The following NIBAN1 variants were observed in gnomAD, a reference collection of about 807,000 sequenced individuals.
NIBAN1 encodes the protein niban apoptosis regulator 1.
A neutral mutation model predicts 75.1 loss-of-function variants in NIBAN1; 81 were observed. The observed-to-expected ratio is 1.08, with a 90% confidence interval of 0.90 to 1.30. The LOEUF (loss-of-function observed/expected upper bound fraction) is 1.30, where lower values mean the gene tolerates loss of function less well. NIBAN1 is among the 50% of genes most tolerant of loss of function. The pLI is 0.00. For missense variants in NIBAN1, 1,133 were observed against 1,128.1 expected (o/e 1.00, Z -0.06); for synonymous variants, 436 against 424.8 (o/e 1.03, Z -0.32).
intron 5 of NIBAN1, among the ~76,000 whole-genome samples, chr1:184,870,809 T>C (rs946436129): frequency 3.3e-5 from 5 of 152,184 alleles, no homozygotes; most frequent in African/African-American, 1.2e-4. Flanking sequence ...AGAAAAGACA[T>C]AGTGGATAAA....
rs77965834 is a variant in NIBAN1 at position 184,859,695 on chromosome 1, G to T, written c.601+24938C>A. Among the ~76,000 whole-genome samples the T allele has an allele frequency of 6.2e-3, 940 of 152,106 alleles. 4 individuals are homozygous for T. The highest frequency in any genetic ancestry group is 0.011 in the Non-Finnish European group (722 of 67,990). On this transcript the variant is annotated intron_variant, in intron 5 of 13. Coordinates refer to ENST00000367511, the MANE Select transcript of NIBAN1 (RefSeq NM_052966.4). ...CCAGTGCTTATTTTCATGGTGCTAT[G>T]AAGTCATCATTATGGTATATAAGCA...
At chr1:184,912,671 T>C (rs2102006949) in intron 1 of NIBAN1, among the ~76,000 whole-genome samples, 1 of 152,326 alleles carries the variant, frequency 6.6e-6, no homozygotes, top group African/African-American at 2.4e-5. Flanking sequence ...CTTACTGACA[T>C]GTAGGAATTG....
chr1:184,885,954 T>C (rs1461998599), intron 4 of NIBAN1, among the ~76,000 whole-genome samples: 1 of 152,118 alleles, frequency 6.6e-6, no homozygotes, highest in Non-Finnish European at 1.5e-5. Context: ...TCTCTCCATC[T>C]CCTCGCTAAG....
intron 1 of NIBAN1, among the ~76,000 whole-genome samples, chr1:184,959,783 C>T (rs551086070): frequency 1.3e-5 from 2 of 152,344 alleles, no homozygotes; most frequent in South Asian, 4.1e-4. Context: ...AAGACTCTAA[C>T]TCATATCTAT....
chr1:184,873,872 TA>T (rs1404746106), intron 5 of NIBAN1, among the ~76,000 whole-genome samples: 1 of 152,138 alleles, frequency 6.6e-6, no homozygotes, highest in African/African-American at 2.4e-5. Flanking sequence ...GAGAGTATAG[TA>T]AAAGTTTTTC....
chr1:184,899,270 T>C lies in NIBAN1; in HGVS notation c.95A>G (p.Tyr32Cys), dbSNP rs1656883830. The change falls in exon 2 of 14, where the codon TAC becomes TGC. Residue 32 changes from tyrosine to cysteine, a missense_variant. Physicochemically the swap from Tyr to Cys is radical, Grantham distance 194 (BLOSUM62 -2). Coordinates refer to ENST00000367511, the MANE Select transcript of NIBAN1 (RefSeq NM_052966.4). ...GAAAGCCACAGAGTACTGACGACTG[T>C]AGTAGGGACTGAAGTTTTTGATGGC... is the stretch of plus-strand genomic sequence containing the variant. The part of the protein sequence containing the change: ...EAAIKNFSPY[Y>C]SRQYSVAFCN... 1.9e-6 allele frequency: 3 copies of C among 1,613,912 alleles called. No individual in the cohort carries two copies. The highest frequency in any genetic ancestry group is 1.3e-5 in the African/African-American group (1 of 75,034).
At chr1:184,922,620 G>A (rs1200292896) in intron 1 of NIBAN1, among the ~76,000 whole-genome samples, 1 of 151,904 alleles carries the variant, frequency 6.6e-6, no homozygotes, top group South Asian at 2.1e-4. Context: ...TTGTTTTGTT[G>A]TTTTGAGTTG....
At chr1:184,845,330 T>C (rs1483590707) in intron 5 of NIBAN1, among the ~76,000 whole-genome samples, 1 of 152,196 alleles carries the variant, frequency 6.6e-6, no homozygotes, top group African/African-American at 2.4e-5. Flanking sequence ...AACAACAAGC[T>C]TAAACAAAAT....
chr1:184,924,941 T>A (rs1657646048), intron 1 of NIBAN1, among the ~76,000 whole-genome samples: 1 of 152,148 alleles, frequency 6.6e-6, no homozygotes. Context: ...CTAAAGTTTG[T>A]CAATTTTACT....
At chr1:184,939,176 A>G (rs1351237454) in intron 1 of NIBAN1, among the ~76,000 whole-genome samples, 4 of 152,264 alleles carry the variant, frequency 2.6e-5, no homozygotes, top group Middle Eastern at 6.3e-3. Flanking sequence ...TTTGGTGCTG[A>G]CACAAAGGTG....
At chr1:184,855,608 T>A (rs1474579415) in intron 5 of NIBAN1, among the ~76,000 whole-genome samples, 1 of 152,170 alleles carries the variant, frequency 6.6e-6, no homozygotes. Flanking sequence ...CACTCCTGGA[T>A]CCCCTTAGTC....
intron 5 of NIBAN1, among the ~76,000 whole-genome samples, chr1:184,839,843 C>T (rs888892592): frequency 2.6e-5 from 4 of 152,186 alleles, no homozygotes; most frequent in African/African-American, 4.8e-5. Context: ...GTGATCCACC[C>T]GCCTTGGCCT....
rs1491452286 is a variant in NIBAN1, at chr1:184,828,808, CAT to C, written c.717+3037_717+3038del. On this transcript the variant is annotated intron_variant, in intron 6 of 13. Transcript: ENST00000367511. ...ACTTAAATTCTGAGAGAAGCAAAAC[CAT>C]TTTTTTTTTTTTTGAGACAGGGTCT... Among the ~76,000 whole-genome samples, 11 of 94,648 alleles carry C rather than the reference CAT, an allele frequency of 1.2e-4. No individual in the cohort carries two copies. In the South Asian group the frequency reaches 2.7e-3, roughly 23 times the overall value. 62.1% of individuals were successfully genotyped at this position (94,648 alleles called of 152,430 possible).
At chr1:184,895,748 T>C (rs1656781507) in intron 2 of NIBAN1, among the ~76,000 whole-genome samples, 1 of 152,162 alleles carries the variant, frequency 6.6e-6, no homozygotes, top group Non-Finnish European at 1.5e-5. Flanking sequence ...GAGTCTATTC[T>C]CTCCATCTTT....
chr1:184,959,026 G>A (rs1658561229), intron 1 of NIBAN1, among the ~76,000 whole-genome samples: 1 of 152,214 alleles, frequency 6.6e-6, no homozygotes, highest in African/African-American at 2.4e-5. Flanking sequence ...GAAAATCTCT[G>A]AATTCTTTTT....
chr1:184,834,468 C>T (rs1159830289), intron 5 of NIBAN1, among the ~76,000 whole-genome samples: 1 of 152,182 alleles, frequency 6.6e-6, no homozygotes, highest in African/African-American at 2.4e-5. Context: ...TTTACACTCC[C>T]ACCAACAGTG....
At chr1:184,924,833 G>A (rs1217234089) in intron 1 of NIBAN1, among the ~76,000 whole-genome samples, 8 of 152,014 alleles carry the variant, frequency 5.3e-5, no homozygotes, top group African/African-American at 4.8e-5. Flanking sequence ...TAGCCATAGT[G>A]GCCACTAATA....
At chr1:184,959,458 C>T (rs1224109629) in intron 1 of NIBAN1, among the ~76,000 whole-genome samples, 2 of 152,208 alleles carry the variant, frequency 1.3e-5, no homozygotes, top group Non-Finnish European at 2.9e-5. Context: ...TCTTTGTCTG[C>T]TAATTTCGCC....
At chr1:184,811,527 G>C (rs1654377742) in intron 9 of NIBAN1, among the ~76,000 whole-genome samples, 1 of 8,048 alleles carries the variant, frequency 1.2e-4, no homozygotes, top group African/African-American at 2.1e-3. Context: ...TTTTTTTTGA[G>C]ACGGAGTCTC....
Sources: allele counts gnomAD v4.1 joint callset (sites outside exome capture counted in the v4.1 genomes callset), GRCh38; gene constraint gnomAD v4.1.1; transcripts MANE v1.5; gene names NCBI Gene and HGNC (gene_info 2026-07-23, HGNC 2026-07-21).